Variants in B4GALT2 observed in about 807,000 individuals in gnomAD.
B4GALT2 encodes the protein N-acetyllactosamine synthase.
A neutral mutation model predicts 33.2 loss-of-function variants in B4GALT2; 18 were observed. That is an observed-to-expected ratio of 0.54 (90% CI 0.38 to 0.80). The LOEUF is 0.80. Ranked by LOEUF, B4GALT2 falls within the 30% of genes least tolerant of loss-of-function variation. The pLI is 0.00. For missense variants in B4GALT2, 404 were observed against 526.2 expected (o/e 0.77, Z 2.27); for synonymous variants, 214 against 217.6 (o/e 0.98, Z 0.15).
chr1:43,985,246 C>T, intron 4 of B4GALT2, 32 bp from the exon 5 acceptor site: 3 of 1,597,912 alleles, frequency 1.9e-6, no homozygotes, highest in Non-Finnish European at 1.7e-6. Context: ...CCCCTTGGGA[C>T]CCTTACTGAC....
intron 6 of B4GALT2, 111 bp from the exon 7 acceptor site, chr1:43,990,187 C>G (rs918433105): frequency 1.4e-6 from 2 of 1,390,432 alleles, no homozygotes; most frequent in East Asian, 4.6e-5. Context: ...TTAAGGTTCC[C>G]TGGGGTCCCC....
Position 43,990,841 on chromosome 1 carries a change from G to C in B4GALT2, c.*393G>C. On this transcript the variant is annotated 3_prime_UTR_variant, in exon 7 of 7. Transcript: ENST00000372324. ...GGAAGGGTGGGAGGTATGTCTAGGG[G>C]GCAGTGTCTCTTCCAGGGGGAATTC... 4.7e-6 allele frequency: 1 copy of C among 214,972 alleles called. No homozygotes were observed. The highest frequency in any genetic ancestry group is 9.5e-6 in the Non-Finnish European group (1 of 104,890). The allele number at this position is 214,972 out of a possible 1,614,324, so 13.3% of individuals were successfully genotyped here.
chr1:43,980,270 A>G (rs1571800475), intron 1 of B4GALT2: 2 of 483,352 alleles, frequency 4.1e-6, no homozygotes, highest in African/African-American at 4.1e-5. Flanking sequence ...TGCCATGCCC[A>G]GTGCTGTGCC....
rs1209072702 is a variant in B4GALT2, at chr1:43,984,332, T to G, written c.550-533T>G. ...TTCGTTGTTTGTCTCACTGCATGAC[T>G]CTATACACAGCAGGGAGGGGACCAG... On this transcript the variant is annotated intron_variant, in intron 3 of 6. Coordinates refer to ENST00000372324, the MANE Select transcript of B4GALT2 (RefSeq NM_003780.5). The surrounding 1 kb of genome is among the most constrained non-coding windows in gnomAD (Gnocchi z 5.6). 1.3e-5 allele frequency among the ~76,000 whole-genome samples: 2 copies of G among 152,204 alleles called. No individual in the cohort carries two copies. Among genetic ancestry groups the G allele is most frequent in the Admixed American group, 6.5e-5 (1 of 15,282 alleles).
rs2085636957 is a variant in B4GALT2 at position 43,984,817 on chromosome 1, G to T, written c.550-48G>T. ...TCTGGAGAGTGGCAAAAGGGCAGGT[G>T]CTTGTTGGTCACAGGCCCAGGGTTG... On this transcript the variant is annotated intron_variant, in intron 3 of 6. Coordinates refer to ENST00000372324, the MANE Select transcript of B4GALT2 (RefSeq NM_003780.5). This position sits in a 1 kb window ranked among gnomAD's most constrained non-coding sequence, Gnocchi z 5.6. 5.7e-6 allele frequency: 9 copies of T among 1,584,350 alleles called. No individual in the cohort carries two copies. In the South Asian group the frequency reaches 1.0e-4, roughly 18 times the overall value.
Position 43,979,904 on chromosome 1 carries a change from C to T in B4GALT2, c.-53+393C>T. The T allele has an allele frequency of 7.6e-7, 1 of 1,317,122 alleles. No individual in the cohort carries two copies. Among genetic ancestry groups the T allele is most frequent in the Non-Finnish European group, 1.0e-6 (1 of 967,302 alleles). 81.6% of individuals were successfully genotyped at this position (1,317,122 alleles called of 1,614,324 possible). The stretch of plus-strand genomic sequence containing the variant: ...GTTCAGCCTGCCAGCCCCGCCCAAA[C>T]GCACCCCTCAGCCTGGCCGCCAGCC... On this transcript the variant is annotated intron_variant, in intron 1 of 6. Coordinates refer to ENST00000372324, the MANE Select transcript of B4GALT2 (RefSeq NM_003780.5). The surrounding 1 kb of genome is among the most constrained non-coding windows in gnomAD (Gnocchi z 4.8).
chr1:43,981,670 G>C lies in B4GALT2; in HGVS notation c.314-19G>C. ...GATTCTGGCCAATGCCCTGATTCCT[G>C]ACACTGTCCTGTCTGCAGTGGGCAG... On this transcript the variant is annotated intron_variant, in intron 2 of 6. Transcript: ENST00000372324. This position sits in a 1 kb window ranked among gnomAD's most constrained non-coding sequence, Gnocchi z 8.1. 1 of 1,590,142 alleles carries C rather than the reference G, an allele frequency of 6.3e-7. No homozygotes were observed. The highest frequency in any genetic ancestry group is 8.6e-7 in the Non-Finnish European group (1 of 1,165,044).
rs992095064 is a variant in B4GALT2, at chr1:43,984,310, G to A, written c.550-555G>A. Among the ~76,000 whole-genome samples, 65 of 152,360 alleles carry A rather than the reference G, an allele frequency of 4.3e-4. No individual in the cohort carries two copies. Among genetic ancestry groups the A allele is most frequent in the Non-Finnish European group, 1.5e-4 (10 of 68,024 alleles). ...TAGACACTGGTCATTTGGGGCATTCGTTGTTTGTCTCACTGCATGACTCTA... is the reference window on the plus strand; with the variant it reads ...TAGACACTGGTCATTTGGGGCATTCATTGTTTGTCTCACTGCATGACTCTA... On this transcript the variant is annotated intron_variant, in intron 3 of 6. Coordinates refer to ENST00000372324, the MANE Select transcript of B4GALT2 (RefSeq NM_003780.5). The surrounding 1 kb of genome is among the most constrained non-coding windows in gnomAD (Gnocchi z 5.6).
Position 43,985,936 on chromosome 1 carries a change from A to T in B4GALT2, c.968+315A>T. On this transcript the variant is annotated intron_variant, in intron 6 of 6. Transcript: ENST00000372324. ...TAGTCATTGAGTAGATTGCATTCCT[A>T]TTGGTGCCCTCGAAGACCTCACTTG... 7.4e-6 allele frequency: 3 copies of T among 406,140 alleles called. No individual in the cohort carries two copies. The South Asian group carries it at 7.8e-5, about 11-fold the overall frequency. 25.2% of individuals were successfully genotyped at this position (406,140 alleles called of 1,614,324 possible).
In B4GALT2 at chr1:43,979,705, TC is replaced by T; in HGVS notation, c.-53+196del. ...CCCCTCCTGGGCTTCTCCGCCCGCGTCCAGCCGGCCTCCCTCATTGTCCTCG... is the reference window on the plus strand; with the variant it reads ...CCCCTCCTGGGCTTCTCCGCCCGCGTCAGCCGGCCTCCCTCATTGTCCTCG... On this transcript the variant is annotated intron_variant, in intron 1 of 6. Transcript: ENST00000372324. This position sits in a 1 kb window ranked among gnomAD's most constrained non-coding sequence, Gnocchi z 4.8. The T allele has an allele frequency of 3.7e-6, 1 of 270,786 alleles. No homozygotes were observed. Among genetic ancestry groups the T allele is most frequent in the Non-Finnish European group, 7.1e-6 (1 of 141,416 alleles). 16.8% of individuals were successfully genotyped at this position (270,786 alleles called of 1,614,324 possible). A position where few individuals can be genotyped will look rare whatever the true frequency, so the allele number is the denominator to read the frequency against.
rs2085633321 is a variant in B4GALT2, at chr1:43,984,423, GTGAA to G, written c.550-438_550-435del. 6.6e-6 allele frequency among the ~76,000 whole-genome samples: 1 copy of G among 152,262 alleles called. No individual in the cohort carries two copies. Among genetic ancestry groups the G allele is most frequent in the Non-Finnish European group, 1.5e-5 (1 of 68,050 alleles). On this transcript the variant is annotated intron_variant, in intron 3 of 6. Coordinates refer to ENST00000372324, the MANE Select transcript of B4GALT2 (RefSeq NM_003780.5). This position sits in a 1 kb window ranked among gnomAD's most constrained non-coding sequence, Gnocchi z 5.6. Reference sequence around the variant, plus strand: ...AGCGCCACAGGGCATGTTTGAATGAGTGAATGAGATGAGAACTCCACCTGACGTT... The same window carrying G: ...AGCGCCACAGGGCATGTTTGAATGAGTGAGATGAGAACTCCACCTGACGTT...
Position 43,979,283 on chromosome 1 carries a change from T to TGCCCGGCC in B4GALT2, c.-272_-265dup, listed in dbSNP as rs1477449475. On this transcript the variant is annotated 5_prime_UTR_variant, in exon 1 of 7. Transcript: ENST00000372324. This position sits in a 1 kb window ranked among gnomAD's most constrained non-coding sequence, Gnocchi z 4.8. ...CCGTGGGTCCGCCGGTCCGTGGGTC[T>TGCCCGGCC]GCCCGGCCGCCCGGCCCCGCCCTGC... is the stretch of plus-strand genomic sequence containing the variant. 5 of 145,622 alleles carry TGCCCGGCC rather than the reference T, an allele frequency of 3.4e-5. No individual in the cohort carries two copies. The highest frequency in any genetic ancestry group is 3.4e-4 in the Admixed American group (5 of 14,668). The allele number at this position is 145,622 out of a possible 1,614,324, so 9.0% of individuals were successfully genotyped here.
At chr1:43,985,103 A>T in intron 4 of B4GALT2, 48 bp downstream of exon 4, 1 of 1,598,828 alleles carries the variant, frequency 6.3e-7, no homozygotes, top group Non-Finnish European at 8.5e-7. Context: ...CCCCCACCAG[A>T]CGCAGGCCCA....
In B4GALT2 at chr1:43,990,290, C is replaced by T. The variant is rs1226642808; in HGVS notation, c.969-8C>T. 1.2e-6 allele frequency: 2 copies of T among 1,614,002 alleles called. No individual in the cohort carries two copies. Among genetic ancestry groups the T allele is most frequent in the Non-Finnish European group, 1.7e-6 (2 of 1,179,868 alleles). The stretch of plus-strand genomic sequence containing the variant: ...AGCCCTGATGTGGACCATTTCCATC[C>T]TATCTAGGTTTACCAAGATTCAAAA... On this transcript the variant is annotated splice_polypyrimidine_tract_variant and splice_region_variant and intron_variant, in intron 6 of 6. Transcript: ENST00000372324.
Position 43,979,336 on chromosome 1 carries a change from CGCG to C in B4GALT2, c.-202_-200del, listed in dbSNP as rs747683462. 167 of 146,548 alleles carry C rather than the reference CGCG, an allele frequency of 1.1e-3. No individual in the cohort carries two copies. The highest frequency in any genetic ancestry group is 2.4e-3 in the South Asian group (13 of 5,448). The allele number at this position is 146,548 out of a possible 1,614,324, so 9.1% of individuals were successfully genotyped here. A position where few individuals can be genotyped will look rare whatever the true frequency, so the allele number is the denominator to read the frequency against. ...CCCGGGGCGGCTCGGCTCCATGGCC[CGCG>C]GCGGCGGCGGCGGCGGCGGCGGCGG... On this transcript the variant is annotated 5_prime_UTR_variant, in exon 1 of 7. Transcript: ENST00000372324. The surrounding 1 kb of genome is among the most constrained non-coding windows in gnomAD (Gnocchi z 4.8).
intron 1 of B4GALT2, chr1:43,980,700 C>A: frequency 1.9e-6 from 1 of 518,878 alleles, no homozygotes. Flanking sequence ...TGTCTGTTCT[C>A]AGGGGCACAG....
At position 43,981,876 on chromosome 1, in the gene B4GALT2, C is replaced by G. The variant is rs1326662693; in HGVS notation, c.501C>G (p.Pro167=). 1 of 1,613,868 alleles carries G rather than the reference C, an allele frequency of 6.2e-7. No individual in the cohort carries two copies. Among genetic ancestry groups the G allele is most frequent in the Admixed American group, 1.7e-5 (1 of 59,990 alleles). ...HLRYWLHYLH[P]ILRRQRLRYG... is the part of the protein sequence containing the mutation. ...GCTACTGGCTCCACTATCTACACCC[C>G]ATCTTGAGGCGGCAGCGGCTGCGCT... The change falls in exon 3 of 7, where the codon CCC becomes CCG. Residue 167 remains proline, a synonymous_variant. Coordinates refer to ENST00000372324, the MANE Select transcript of B4GALT2 (RefSeq NM_003780.5). This position sits in a 1 kb window ranked among gnomAD's most constrained non-coding sequence, Gnocchi z 8.1.
intron 6 of B4GALT2, among the ~76,000 whole-genome samples, 180 bp from the exon 7 acceptor site, chr1:43,990,118 G>T (rs1024741431): frequency 3.3e-5 from 5 of 152,178 alleles, no homozygotes; most frequent in Non-Finnish European, 7.3e-5. Context: ...CTGCAAAAGG[G>T]CGTGGGCATA....
chr1:43,979,620 A>C lies in B4GALT2; in HGVS notation c.-53+109A>C. On this transcript the variant is annotated intron_variant, in intron 1 of 6. Transcript: ENST00000372324. The surrounding 1 kb of genome is among the most constrained non-coding windows in gnomAD (Gnocchi z 4.8). ...CGAGATCCCAACCCAGGAGCCGGTG[A>C]GAGAGGCGCCGGCGGCCAGACCCCG... The C allele has an allele frequency of 6.1e-6, 1 of 162,650 alleles. No homozygotes were observed. Among genetic ancestry groups the C allele is most frequent in the Non-Finnish European group, 1.3e-5 (1 of 76,596 alleles). 10.1% of individuals were successfully genotyped at this position (162,650 alleles called of 1,614,324 possible).
Sources: gnomAD v4.1 joint callset for allele counts (sites outside exome capture counted in the v4.1 genomes callset) on GRCh38, gnomAD v4.1.1 for gene constraint, Gnocchi (gnomAD v3.1) non-coding constraint, MANE v1.5 for transcripts, NCBI Gene and HGNC (gene_info 2026-07-23, HGNC 2026-07-21) for gene names.